Variants in CTNND2 observed in about 807,000 individuals in gnomAD.
CTNND2 encodes catenin delta 2, also known as catenin delta-2.
CTNND2 carries 22 observed loss-of-function variants against 144.4 expected under a neutral mutation model. The observed-to-expected ratio is 0.15, with a 90% CI of 0.11 to 0.22. CTNND2 has a LOEUF of 0.22. CTNND2 is among the 10% of genes least tolerant of loss of function. The probability of loss-of-function intolerance (pLI) is 1.00; values close to 1 mark genes in which losing one functional copy is unlikely to be tolerated. For synonymous variants in CTNND2, 751 were observed against 695.6 expected, an observed-to-expected ratio of 1.08 and a Z score of -1.25; for missense variants, 1,353 against 1,618.8, an observed-to-expected ratio of 0.84 and a Z score of 2.82.
chr5:11,844,962 G>A (rs1326327177), intron 1 of CTNND2, among the ~76,000 whole-genome samples: 1 of 152,040 alleles, frequency 6.6e-6, no homozygotes, highest in Non-Finnish European at 1.5e-5. Context: ...AGGGGGGCAG[G>A]GAGCCATCAT....
At chr5:11,672,643 C>T (rs1231989130) in intron 2 of CTNND2, among the ~76,000 whole-genome samples, 1 of 152,138 alleles carries the variant, frequency 6.6e-6, no homozygotes, top group African/African-American at 2.4e-5. Flanking sequence ...TTGAGCATCC[C>T]AGGTAGAGCT....
chr5:11,038,302 T>C (rs1744303343), intron 16 of CTNND2, among the ~76,000 whole-genome samples: 1 of 152,154 alleles, frequency 6.6e-6, no homozygotes, highest in Non-Finnish European at 1.5e-5. Context: ...CAGCCTGAGC[T>C]TCGCCTTCTG....
chr5:11,857,553 T>G (rs2127017540), intron 1 of CTNND2, among the ~76,000 whole-genome samples: 1 of 152,342 alleles, frequency 6.6e-6, no homozygotes. Flanking sequence ...CCTGCAAATC[T>G]TGTCATTTGG....
chr5:11,329,513 G>T (rs115079305), intron 9 of CTNND2, among the ~76,000 whole-genome samples: 3,085 of 152,250 alleles, frequency 0.02, 49 homozygotes, highest in Non-Finnish European at 0.032. Context: ...TGAGGTACTG[G>T]GGGGTTGGGA....
chr5:10,973,700 G>C lies in CTNND2; in HGVS notation c.3431C>G (p.Pro1144Arg), dbSNP rs1736084070. The change falls in exon 22 of 22, where the codon CCA becomes CGA. Residue 1144 changes from proline (P) to arginine (R), a missense_variant. Physicochemically the swap from Pro to Arg is moderately radical, Grantham distance 103. Transcript: ENST00000304623. This position sits in a 1 kb window ranked among gnomAD's most constrained non-coding sequence, Gnocchi z 5.6. ...TTTTCTGCTGGGCTCCTGTGGGACTGGCTGTGCTGAAACCTAAACGGGAAA... is the reference window on the plus strand; with the variant it reads ...TTTTCTGCTGGGCTCCTGTGGGACTCGCTGTGCTGAAACCTAAACGGGAAA... ...DIKHNQVSAQ[P>R]VPQEPSRKDY... The C allele has an allele frequency of 6.2e-7, 1 of 1,603,570 alleles. No individual in the cohort carries two copies. Among genetic ancestry groups the C allele is most frequent in the South Asian group, 1.1e-5 (1 of 88,824 alleles).
intron 2 of CTNND2, among the ~76,000 whole-genome samples, chr5:11,689,948 C>T (rs948766677): frequency 1.3e-5 from 2 of 152,148 alleles, no homozygotes; most frequent in African/African-American, 4.8e-5. Flanking sequence ...ATGAATGAAT[C>T]GCCATTCTTC....
chr5:11,310,480 T>C (rs2150048593), intron 9 of CTNND2, among the ~76,000 whole-genome samples: 1 of 152,070 alleles, frequency 6.6e-6, no homozygotes, highest in East Asian at 1.9e-4. Flanking sequence ...AGCTCACAGA[T>C]CTATCCCTTC....
chr5:11,551,188 C>T (rs923531956), intron 3 of CTNND2, among the ~76,000 whole-genome samples: 15 of 152,126 alleles, frequency 9.9e-5, no homozygotes, highest in Admixed American at 6.5e-4. Context: ...TCCATCCTTA[C>T]CCAACACCAG....
chr5:11,811,670 T>G (rs1792341913), intron 1 of CTNND2, among the ~76,000 whole-genome samples: 1 of 152,144 alleles, frequency 6.6e-6, no homozygotes. Context: ...TATTTTCATT[T>G]TGATATTTAA....
intron 1 of CTNND2, among the ~76,000 whole-genome samples, chr5:11,770,150 A>C (rs1789833755): frequency 6.6e-6 from 1 of 152,120 alleles, no homozygotes; most frequent in Non-Finnish European, 1.5e-5. Context: ...AAGAAACAGA[A>C]ACTCCCTAGG....
At chr5:11,334,760 T>C (rs1753568379) in intron 9 of CTNND2, among the ~76,000 whole-genome samples, 2 of 152,212 alleles carry the variant, frequency 1.3e-5, no homozygotes, top group African/African-American at 2.4e-5. Flanking sequence ...TGCAAATGTC[T>C]CAGTTAACAA....
At chr5:11,892,866 A>G (rs1306495713) in intron 1 of CTNND2, among the ~76,000 whole-genome samples, 1 of 152,242 alleles carries the variant, frequency 6.6e-6, no homozygotes, top group Non-Finnish European at 1.5e-5. Flanking sequence ...AAAATCTGTT[A>G]CATTGCTTTC....
intron 1 of CTNND2, among the ~76,000 whole-genome samples, chr5:11,813,840 A>C (rs1032245495): frequency 6.6e-6 from 1 of 152,206 alleles, no homozygotes; most frequent in African/African-American, 2.4e-5. Flanking sequence ...ATCAGCATGC[A>C]TGTAACTGAC....
chr5:11,620,474 A>G (rs926639443), intron 2 of CTNND2, among the ~76,000 whole-genome samples: 1 of 152,186 alleles, frequency 6.6e-6, no homozygotes, highest in African/African-American at 2.4e-5. Flanking sequence ...CTGTTTACCC[A>G]GCCTTATTCT....
At chr5:11,226,968 T>A (rs765744889) in intron 10 of CTNND2, among the ~76,000 whole-genome samples, 1 of 152,204 alleles carries the variant, frequency 6.6e-6, no homozygotes, top group Non-Finnish European at 1.5e-5. Context: ...TGCTTTATGT[T>A]GGTATGTGCA....
intron 16 of CTNND2, among the ~76,000 whole-genome samples, chr5:11,080,004 A>G (rs764116851): frequency 6.6e-6 from 1 of 152,164 alleles, no homozygotes; most frequent in African/African-American, 2.4e-5. Context: ...AAGCTTCTGC[A>G]CAGAAAAAAA....
At chr5:11,131,940 T>C (rs1755655483) in intron 12 of CTNND2, among the ~76,000 whole-genome samples, 1 of 147,986 alleles carries the variant, frequency 6.8e-6, no homozygotes, top group Admixed American at 6.9e-5. Flanking sequence ...AATGTGATTT[T>C]TAAAAGCTCA....
chr5:11,383,718 G>C (rs1208035514), intron 7 of CTNND2, among the ~76,000 whole-genome samples: 1 of 152,196 alleles, frequency 6.6e-6, no homozygotes, highest in Non-Finnish European at 1.5e-5. Flanking sequence ...GGAAGCATAT[G>C]AGCACAGCAT....
At chr5:11,122,440 T>C (rs1238931867) in intron 12 of CTNND2, among the ~76,000 whole-genome samples, 2 of 151,868 alleles carry the variant, frequency 1.3e-5, no homozygotes, top group Non-Finnish European at 1.5e-5. Flanking sequence ...CAAGGCTAGG[T>C]TGTCTTCCTA....
Sources: gnomAD v4.1 joint callset for allele counts (sites outside exome capture counted in the v4.1 genomes callset) on GRCh38, gnomAD v4.1.1 for gene constraint, Gnocchi (gnomAD v3.1) non-coding constraint, MANE v1.5 for transcripts, NCBI Gene and HGNC (gene_info 2026-07-23, HGNC 2026-07-21) for gene names.